TRAPPC9: variants seen among roughly 807,000 people sequenced by gnomAD.
The protein encoded by TRAPPC9 is IKK2 binding protein.
TRAPPC9 carries 83 observed loss-of-function variants against 124.0 expected under a neutral mutation model. That is an observed-to-expected ratio of 0.67 (90% CI 0.56 to 0.80). The LOEUF is 0.80. Ranked by LOEUF, TRAPPC9 falls within the 30% of genes least tolerant of loss-of-function variation. The pLI, the probability that TRAPPC9 is intolerant of heterozygous loss-of-function variation, is 0.00. For missense variants in TRAPPC9, 1,302 were observed against 1,508.3 expected (o/e 0.86, Z 2.27); for synonymous variants, 638 against 617.5 (o/e 1.03, Z -0.49).
chr8:140,175,681 C>T (rs2062053779), intron 17 of TRAPPC9, among the ~76,000 whole-genome samples: 1 of 152,200 alleles, frequency 6.6e-6, no homozygotes, highest in Admixed American at 6.5e-5. Context: ...AATCCTGACA[C>T]TGCCATTGAA....
intron 8 of TRAPPC9, among the ~76,000 whole-genome samples, chr8:140,365,718 G>C (rs1226263571): frequency 6.6e-6 from 1 of 152,242 alleles, no homozygotes; most frequent in Non-Finnish European, 1.5e-5. Flanking sequence ...AAGAAAATGG[G>C]AACAATCACC....
At chr8:140,004,433 C>T (rs1221338729) in intron 18 of TRAPPC9, among the ~76,000 whole-genome samples, 1 of 152,210 alleles carries the variant, frequency 6.6e-6, no homozygotes, top group Non-Finnish European at 1.5e-5. Flanking sequence ...ATTAAGTTTA[C>T]TCCAATACTG....
chr8:139,886,219 G>A (rs1181713676), intron 20 of TRAPPC9, among the ~76,000 whole-genome samples: 1 of 152,180 alleles, frequency 6.6e-6, no homozygotes, highest in Non-Finnish European at 1.5e-5. Flanking sequence ...ATGTAAGAAA[G>A]GGAAATCCAC....
chr8:139,800,154 C>T (rs1025562938), intron 21 of TRAPPC9, among the ~76,000 whole-genome samples: 1 of 152,262 alleles, frequency 6.6e-6, no homozygotes, highest in Admixed American at 6.5e-5. Context: ...GCCGCTGGGG[C>T]GCCTTTGGCT....
chr8:140,362,897 C>T (rs554778871), intron 8 of TRAPPC9, among the ~76,000 whole-genome samples: 77 of 152,210 alleles, frequency 5.1e-4, no homozygotes, highest in African/African-American at 1.9e-3. Context: ...CTACCACGGG[C>T]GATTATGAGT....
At chr8:140,208,756 G>T (rs887274907) in intron 17 of TRAPPC9, among the ~76,000 whole-genome samples, 9 of 152,212 alleles carry the variant, frequency 5.9e-5, no homozygotes, top group Non-Finnish European at 1.3e-4. Flanking sequence ...AAAGTCTACT[G>T]GGGAAACCAC....
intron 21 of TRAPPC9, among the ~76,000 whole-genome samples, chr8:139,745,652 A>G (rs1391936878): frequency 6.6e-6 from 1 of 152,220 alleles, no homozygotes. Context: ...CAGGCCCAGC[A>G]GGCTCTGGGA....
intron 7 of TRAPPC9, among the ~76,000 whole-genome samples, chr8:140,376,278 C>T (rs547110909): frequency 7.9e-5 from 12 of 151,570 alleles, no homozygotes; most frequent in East Asian, 2.0e-4. Flanking sequence ...TGTTGGAGGC[C>T]GGGCGCGGTG....
At chr8:139,826,378 C>G (rs1307406104) in intron 21 of TRAPPC9, among the ~76,000 whole-genome samples, 1 of 152,178 alleles carries the variant, frequency 6.6e-6, no homozygotes, top group African/African-American at 2.4e-5. Context: ...GGCTTCTCAG[C>G]AGATGGGGGC....
intron 18 of TRAPPC9, among the ~76,000 whole-genome samples, chr8:140,020,587 G>A (rs1166923280): frequency 6.6e-6 from 1 of 152,042 alleles, no homozygotes; most frequent in East Asian, 1.9e-4. Context: ...GATGGTGCCA[G>A]TGCATTCCCA....
chr8:140,242,017 G>A lies in TRAPPC9; in HGVS notation c.2431+10760C>T, dbSNP rs1020425534. Among the ~76,000 whole-genome samples the A allele has an allele frequency of 9.2e-5, 14 of 152,104 alleles. 1 individual carries two copies. The highest frequency in any genetic ancestry group is 2.4e-4 in the African/African-American group (10 of 41,422). On this transcript the variant is annotated intron_variant, in intron 16 of 22. Transcript: ENST00000438773. ...CAAGGGCTTGCAGGAGGGAGGGGCC[G>A]AGTGGGTTGGCAGAAAAAGAGAGAC...
At chr8:140,307,758 G>A (rs2066177194) in intron 10 of TRAPPC9, among the ~76,000 whole-genome samples, 1 of 152,132 alleles carries the variant, frequency 6.6e-6, no homozygotes, top group South Asian at 2.1e-4. Context: ...GAACATTTTT[G>A]CTTCCCTATT....
chr8:140,253,189 C>T (rs543805408), intron 15 of TRAPPC9, among the ~76,000 whole-genome samples: 3 of 152,270 alleles, frequency 2.0e-5, no homozygotes, highest in South Asian at 4.1e-4. Flanking sequence ...GCCATCTTGA[C>T]GCCTTAGTGA....
At chr8:139,737,954 G>A (rs1358982738) in intron 21 of TRAPPC9, among the ~76,000 whole-genome samples, 1 of 152,156 alleles carries the variant, frequency 6.6e-6, no homozygotes, top group Non-Finnish European at 1.5e-5. Context: ...TTCCTCTCCC[G>A]CGGGCTGGCT....
At chr8:140,210,243 AG>A (rs2063025753) in intron 17 of TRAPPC9, among the ~76,000 whole-genome samples, 1 of 152,202 alleles carries the variant, frequency 6.6e-6, no homozygotes, top group Non-Finnish European at 1.5e-5. Flanking sequence ...GAGGTGATTC[AG>A]GGCAAGGCAC....
At chr8:139,917,470 G>A (rs1048247508) in intron 19 of TRAPPC9, among the ~76,000 whole-genome samples, 3 of 152,190 alleles carry the variant, frequency 2.0e-5, no homozygotes, top group South Asian at 2.1e-4. Flanking sequence ...TTGAGCCACC[G>A]CACCCGGCCA....
intron 17 of TRAPPC9, among the ~76,000 whole-genome samples, chr8:140,160,318 A>G (rs1197078796): frequency 1.3e-5 from 2 of 152,226 alleles, no homozygotes; most frequent in African/African-American, 2.4e-5. Flanking sequence ...AGGATTATAA[A>G]TCATGCTACT....
At chr8:140,056,966 T>G (rs1236584997) in intron 17 of TRAPPC9, among the ~76,000 whole-genome samples, 1 of 152,156 alleles carries the variant, frequency 6.6e-6, no homozygotes, top group Non-Finnish European at 1.5e-5. Context: ...AACTAACTAC[T>G]GTAGTTAACT....
chr8:139,860,841 G>C lies in TRAPPC9; in HGVS notation c.3055+25038C>G, dbSNP rs537065789. Among the ~76,000 whole-genome samples the C allele has an allele frequency of 1.2e-4, 19 of 152,352 alleles. No individual in the cohort carries two copies. In the East Asian group the frequency reaches 3.3e-3, roughly 26 times the overall value. On this transcript the variant is annotated intron_variant, in intron 21 of 22. Transcript: ENST00000438773. ...CAGATTCCTGCTGAGGGGCCTCCCA[G>C]CCCTGCACACCTCCAGGCTGTAAGC... is the stretch of plus-strand genomic sequence containing the variant.
Sources: allele counts gnomAD v4.1 joint callset (sites outside exome capture counted in the v4.1 genomes callset), GRCh38; gene constraint gnomAD v4.1.1; transcripts MANE v1.5; gene names NCBI Gene and HGNC (gene_info 2026-07-23, HGNC 2026-07-21).